Variants in ERC2 observed in about 807,000 individuals in gnomAD.
ERC2 encodes the protein ERC protein 2.
In ERC2, 42 loss-of-function variants were observed where a neutral mutation model predicts 114.8. The observed-to-expected ratio is 0.37, with a 90% CI of 0.29 to 0.47. The LOEUF is 0.47. Ranked by LOEUF, ERC2 falls within the 20% of genes least tolerant of loss-of-function variation. The pLI is 0.99. For missense variants in ERC2, 939 were observed against 1,150.7 expected, an observed-to-expected ratio of 0.82 and a Z score of 2.66; for synonymous variants, 454 against 425.5, an observed-to-expected ratio of 1.07 and a Z score of -0.82.
chr3:55,719,956 T>TC (rs200077262), intron 15 of ERC2, among the ~76,000 whole-genome samples: 1 of 149,566 alleles, frequency 6.7e-6, no homozygotes, highest in Admixed American at 6.7e-5. Flanking sequence ...TTTCTTTCCT[T>TC]TCTTTCCTTC....
intron 14 of ERC2, among the ~76,000 whole-genome samples, chr3:55,749,762 C>A (rs1243561564): frequency 6.6e-6 from 1 of 152,178 alleles, no homozygotes; most frequent in Non-Finnish European, 1.5e-5. Flanking sequence ...CCACTTGGGT[C>A]CCCTTCCACG....
intron 17 of ERC2, chr3:55,657,068 C>T (rs2060901896): frequency 6.6e-6 from 1 of 152,244 alleles, no homozygotes; most frequent in Non-Finnish European, 1.5e-5. Context: ...GGCCTGGCCA[C>T]TGGGAAGCTC....
intron 7 of ERC2, among the ~76,000 whole-genome samples, chr3:56,020,248 T>A (rs1251620435): frequency 6.6e-6 from 1 of 152,160 alleles, no homozygotes; most frequent in Non-Finnish European, 1.5e-5. Flanking sequence ...GTAAACTTTG[T>A]GGCCTAACAA....
intron 4 of ERC2, among the ~76,000 whole-genome samples, chr3:56,166,207 C>A (rs1360075775): frequency 6.6e-6 from 1 of 152,002 alleles, no homozygotes; most frequent in Admixed American, 6.6e-5. Context: ...AGCCAAATAT[C>A]AGTCCAACTT....
intron 12 of ERC2, chr3:55,955,184 A>G: frequency 1.9e-6 from 1 of 515,292 alleles, no homozygotes; most frequent in South Asian, 1.4e-5. Context: ...AGTGGTCATG[A>G]CTGAAGAAGG....
intron 17 of ERC2, among the ~76,000 whole-genome samples, chr3:55,602,393 G>C (rs990940926): frequency 6.6e-6 from 1 of 152,190 alleles, no homozygotes. Flanking sequence ...TCTCAAGGAG[G>C]AGACCAGCAG....
intron 14 of ERC2, among the ~76,000 whole-genome samples, chr3:55,845,680 T>G (rs2061333121): frequency 1.3e-5 from 2 of 152,216 alleles, no homozygotes; most frequent in African/African-American, 4.8e-5. Flanking sequence ...TAGAATCCAT[T>G]TTTTGCAATG....
intron 7 of ERC2, among the ~76,000 whole-genome samples, chr3:56,035,902 C>A (rs1576650078): frequency 1.3e-5 from 2 of 151,990 alleles, no homozygotes; most frequent in South Asian, 4.1e-4. Flanking sequence ...AACAAGAATA[C>A]TACGAGAAAA....
At chr3:56,302,635 C>T (rs1259735574) in intron 2 of ERC2, among the ~76,000 whole-genome samples, 1 of 152,180 alleles carries the variant, frequency 6.6e-6, no homozygotes, top group African/African-American at 2.4e-5. Flanking sequence ...ATCATCTACC[C>T]TTTCCCAACT....
intron 17 of ERC2, among the ~76,000 whole-genome samples, chr3:55,573,973 T>C (rs1007420265): frequency 6.6e-6 from 1 of 152,136 alleles, no homozygotes; most frequent in African/African-American, 2.4e-5. Flanking sequence ...ATTTAAAAAT[T>C]GAGGGAACAC....
chr3:55,579,266 T>C (rs905917464), intron 17 of ERC2, among the ~76,000 whole-genome samples: 2 of 152,200 alleles, frequency 1.3e-5, no homozygotes, highest in African/African-American at 4.8e-5. Context: ...ATACGCATTT[T>C]ACCCATACTT....
chr3:55,900,387 C>T (rs17765780), intron 13 of ERC2, among the ~76,000 whole-genome samples: 10,777 of 152,256 alleles, frequency 0.071, 551 homozygotes, highest in South Asian at 0.1. Flanking sequence ...GTCCAGGCTA[C>T]TTGGCCACCT....
intron 14 of ERC2, among the ~76,000 whole-genome samples, chr3:55,786,604 G>A (rs980846977): frequency 6.6e-6 from 1 of 152,138 alleles, no homozygotes; most frequent in Non-Finnish European, 1.5e-5. Flanking sequence ...ATTGTACTGG[G>A]TACGTACTAT....
At chr3:55,977,786 C>A (rs972350060) in intron 12 of ERC2, among the ~76,000 whole-genome samples, 1 of 152,158 alleles carries the variant, frequency 6.6e-6, no homozygotes, top group Non-Finnish European at 1.5e-5. Context: ...TTAATTATAG[C>A]AGACTGCATG....
At chr3:55,717,762 A>G (rs1459179846) in intron 15 of ERC2, among the ~76,000 whole-genome samples, 1 of 152,174 alleles carries the variant, frequency 6.6e-6, no homozygotes, top group East Asian at 1.9e-4. Flanking sequence ...GAGAATAAAT[A>G]TAATAACAAC....
chr3:55,721,054 T>G (rs746469855), intron 15 of ERC2, among the ~76,000 whole-genome samples: 10 of 152,234 alleles, frequency 6.6e-5, no homozygotes, highest in Non-Finnish European at 1.2e-4. Flanking sequence ...TCTTTGGAGC[T>G]TTCCTTCTTC....
chr3:56,177,371 A>G (rs188061656), intron 3 of ERC2, among the ~76,000 whole-genome samples: 268 of 152,290 alleles, frequency 1.8e-3, no homozygotes, highest in African/African-American at 6.1e-3. Context: ...ATCCTAAACA[A>G]CTAATGAATT....
intron 3 of ERC2, among the ~76,000 whole-genome samples, chr3:56,224,471 T>A (rs1255705454): frequency 6.6e-6 from 1 of 151,010 alleles, no homozygotes; most frequent in African/African-American, 2.4e-5. Flanking sequence ...ATGGCGGGGG[T>A]AAAAGGAACA....
At position 55,713,116 on chromosome 3, in the gene ERC2, C is replaced by G. The variant is rs1443736362; in HGVS notation, c.2713-13604G>C. 7.0e-5 allele frequency among the ~76,000 whole-genome samples: 8 copies of G among 115,098 alleles called. No individual in the cohort carries two copies. The South Asian group carries it at 9.1e-4, about 13-fold the overall frequency. 75.5% of individuals were successfully genotyped at this position (115,098 alleles called of 152,430 possible). On this transcript the variant is annotated intron_variant, in intron 15 of 17. Coordinates refer to ENST00000288221, the MANE Select transcript of ERC2 (RefSeq NM_015576.3). ...TGCCATTCTCTCTCTCTCTCTCTCTCTCTCTCTCTCTGTCTCACACACACA... is the reference window on the plus strand; with the variant it reads ...TGCCATTCTCTCTCTCTCTCTCTCTGTCTCTCTCTCTGTCTCACACACACA...
Sources: gnomAD v4.1 joint callset for allele counts (sites outside exome capture counted in the v4.1 genomes callset) on GRCh38, gnomAD v4.1.1 for gene constraint, MANE v1.5 for transcripts, NCBI Gene and HGNC (gene_info 2026-07-23, HGNC 2026-07-21) for gene names.